The following GRIP1 variants were observed in gnomAD, a reference collection of about 807,000 sequenced individuals.
GRIP1 encodes glutamate receptor-interacting protein 1.
In GRIP1, 45 loss-of-function variants were observed where a neutral mutation model predicts 129.9. The observed-to-expected ratio is 0.35, with a 90% CI of 0.27 to 0.44. The LOEUF (loss-of-function observed/expected upper bound fraction) is 0.44. GRIP1 is among the 20% of genes least tolerant of loss of function. GRIP1 has a pLI of 1.00. For missense variants in GRIP1, 1,196 were observed against 1,396.8 expected (o/e 0.86, Z 2.29); for synonymous variants, 530 against 520.8 (o/e 1.02, Z -0.24).
chr12:66,364,265 C>CAAAAAAAAAAAAAAAAAAAAAAAA (rs1159887365), intron 23 of GRIP1, among the ~76,000 whole-genome samples: 2 of 16,344 alleles, frequency 1.2e-4, no homozygotes, highest in South Asian at 3.7e-3. Context: ...GACTCCATCT[C>CAAAAAAAAAAAAAAAAAAAAAAAA]AAAAAAAAAA....
intron 1 of GRIP1, among the ~76,000 whole-genome samples, chr12:66,701,398 C>A (rs2035346736): frequency 1.3e-5 from 2 of 151,932 alleles, no homozygotes. Flanking sequence ...AATATATGTA[C>A]AAGGTACAAG....
intron 1 of GRIP1, among the ~76,000 whole-genome samples, chr12:66,687,471 TG>T (rs2034825683): frequency 6.6e-6 from 1 of 152,108 alleles, no homozygotes; most frequent in African/African-American, 2.4e-5. Context: ...TGTTTCATCT[TG>T]GGTAAAAGTG....
At chr12:66,436,231 A>T (rs7484781) in intron 13 of GRIP1, among the ~76,000 whole-genome samples, 2 of 152,092 alleles carry the variant, frequency 1.3e-5, no homozygotes, top group African/African-American at 4.8e-5. Flanking sequence ...TTGTTAGCAC[A>T]GTAAGATAAC....
intron 19 of GRIP1, among the ~76,000 whole-genome samples, chr12:66,381,458 T>A (rs1490423431): frequency 6.6e-6 from 1 of 152,194 alleles, no homozygotes; most frequent in East Asian, 1.9e-4. Flanking sequence ...CCCAAATACA[T>A]GAAGTCTCAG....
intron 1 of GRIP1, among the ~76,000 whole-genome samples, chr12:67,047,956 T>C (rs2043280543): frequency 6.6e-6 from 1 of 152,170 alleles, no homozygotes; most frequent in African/African-American, 2.4e-5. Flanking sequence ...AAAAAACAGT[T>C]ATTTCATATG....
intron 7 of GRIP1, among the ~76,000 whole-genome samples, chr12:66,471,645 T>C (rs962789250): frequency 2.6e-5 from 4 of 152,226 alleles, no homozygotes; most frequent in Non-Finnish European, 5.9e-5. Flanking sequence ...GAAAGTCTAC[T>C]AGTCTCTATG....
At chr12:66,900,250 T>C (rs1489635237) in intron 1 of GRIP1, among the ~76,000 whole-genome samples, 1 of 152,152 alleles carries the variant, frequency 6.6e-6, no homozygotes, top group Non-Finnish European at 1.5e-5. Context: ...CCTCTTCAGA[T>C]AAATGAAGTA....
intron 1 of GRIP1, among the ~76,000 whole-genome samples, chr12:66,783,113 C>G (rs548070582): frequency 2.0e-5 from 3 of 152,202 alleles, no homozygotes; most frequent in African/African-American, 7.2e-5. Context: ...CCACTGCAAC[C>G]TCTGCCTCCC....
chr12:66,364,265 C>CAAA lies in GRIP1; in HGVS notation c.3012+7426_3012+7428dup, dbSNP rs1159887365. ...TGGGTGACACAGCAAGACTCCATCT[C>CAAA]AAAAAAAAAAAAAAAAAAAAAAAAA... is the stretch of plus-strand genomic sequence containing the variant. On this transcript the variant is annotated intron_variant, in intron 23 of 24. Transcript: ENST00000359742. 3.9e-3 allele frequency among the ~76,000 whole-genome samples: 64 copies of CAAA among 16,298 alleles called. 1 individual carries two copies. The highest frequency in any genetic ancestry group is 7.3e-3 in the African/African-American group (30 of 4,090). 10.7% of individuals were successfully genotyped at this position (16,298 alleles called of 152,430 possible).
chr12:66,477,786 C>T (rs970246009), intron 7 of GRIP1, among the ~76,000 whole-genome samples: 1 of 146,660 alleles, frequency 6.8e-6, no homozygotes, highest in Non-Finnish European at 1.5e-5. Context: ...GGAAAGGATT[C>T]CCTATTTAAC....
At chr12:66,560,825 A>C (rs2062500918) in intron 2 of GRIP1, among the ~76,000 whole-genome samples, 1 of 152,134 alleles carries the variant, frequency 6.6e-6, no homozygotes, top group African/African-American at 2.4e-5. Context: ...ATATACCCAT[A>C]TACTGCTAGG....
intron 19 of GRIP1, among the ~76,000 whole-genome samples, chr12:66,382,623 T>C (rs1413328885): frequency 6.6e-6 from 1 of 152,194 alleles, no homozygotes; most frequent in Non-Finnish European, 1.5e-5. Flanking sequence ...TCTCAAGATC[T>C]CAGTTTCCTT....
At chr12:66,762,490 T>C (rs560413706) in intron 1 of GRIP1, among the ~76,000 whole-genome samples, 5 of 152,010 alleles carry the variant, frequency 3.3e-5, no homozygotes, top group Admixed American at 1.3e-4. Context: ...TATTTTCTCC[T>C]TATTGTTAAT....
At chr12:67,029,756 G>A (rs2042994007) in intron 1 of GRIP1, among the ~76,000 whole-genome samples, 1 of 151,996 alleles carries the variant, frequency 6.6e-6, no homozygotes, top group Non-Finnish European at 1.5e-5. Context: ...CATGTTGATG[G>A]AAACCTTAAC....
At chr12:66,683,348 A>G (rs1347707340), upstream of GRIP1, among the ~76,000 whole-genome samples, 2 of 152,106 alleles carry the variant, frequency 1.3e-5, no homozygotes, top group Non-Finnish European at 2.9e-5. Flanking sequence ...AGGGTCAGAC[A>G]AGGGAGATGT....
chr12:67,033,793 T>C (rs1288603494), intron 1 of GRIP1, among the ~76,000 whole-genome samples: 1 of 152,224 alleles, frequency 6.6e-6, no homozygotes, highest in African/African-American at 2.4e-5. Flanking sequence ...ATACCTGCTT[T>C]GTACATTGTT....
At chr12:66,630,427 T>C (rs2030637392) in intron 1 of GRIP1, 1 of 152,202 alleles carries the variant, frequency 6.6e-6, no homozygotes, top group Admixed American at 6.5e-5. Context: ...CTCTGGTCTC[T>C]TCCCTCAAGG....
At chr12:66,365,673 T>A (rs1224108168) in intron 23 of GRIP1, among the ~76,000 whole-genome samples, 1 of 152,218 alleles carries the variant, frequency 6.6e-6, no homozygotes, top group African/African-American at 2.4e-5. Context: ...CTGGTCAAAC[T>A]GATAAGTGAC....
At chr12:66,835,373 C>A in intron 1 of GRIP1, among the ~76,000 whole-genome samples, 1 of 152,304 alleles carries the variant, frequency 6.6e-6, no homozygotes, top group East Asian at 1.9e-4. Flanking sequence ...AAAACCTGCA[C>A]ATGGATGTTT....
Sources: allele counts gnomAD v4.1 joint callset (sites outside exome capture counted in the v4.1 genomes callset), GRCh38; gene constraint gnomAD v4.1.1; transcripts MANE v1.5; gene names NCBI Gene and HGNC (gene_info 2026-07-23, HGNC 2026-07-21).